Variants in SND1 observed in about 807,000 individuals in gnomAD.
SND1 encodes the protein staphylococcal nuclease and tudor domain containing 1.
A neutral mutation model predicts 121.7 loss-of-function variants in SND1; 38 were observed. The ratio of observed to expected loss-of-function variants is 0.31; its 90% CI spans 0.24 to 0.41. The LOEUF is 0.41. Ranked by LOEUF, SND1 falls within the 10% of genes least tolerant of loss-of-function variation. The pLI is 1.00. For missense variants in SND1, 868 were observed against 1,184.6 expected, an observed-to-expected ratio of 0.73 and a Z score of 3.92; for synonymous variants, 401 against 447.4, an observed-to-expected ratio of 0.90 and a Z score of 1.31.
chr7:127,701,078 G>A lies in SND1; in HGVS notation c.429-85G>A. On this transcript the variant is annotated intron_variant, in intron 4 of 23. Coordinates refer to ENST00000354725, the MANE Select transcript of SND1 (RefSeq NM_014390.4). ...ACCTTTGTTGTCTTCAAGGGGTGAA[G>A]ATGCTGAAGAAAACCTATATCAGAG... 2.1e-6 allele frequency: 3 copies of A among 1,438,426 alleles called. No individual in the cohort carries two copies. In the South Asian group the frequency reaches 3.9e-5, roughly 19 times the overall value. 89.1% of individuals were successfully genotyped at this position (1,438,426 alleles called of 1,614,324 possible). A position where few individuals can be genotyped will look rare whatever the true frequency, so the allele number is the denominator to read the frequency against.
chr7:127,653,476 C>G (rs534766536), intron 1 of SND1, among the ~76,000 whole-genome samples: 4 of 152,046 alleles, frequency 2.6e-5, no homozygotes, highest in Non-Finnish European at 5.9e-5. Flanking sequence ...TACTTTCTCC[C>G]AAGGCTCCAC....
chr7:127,655,930 A>G (rs1277385446), intron 1 of SND1, among the ~76,000 whole-genome samples: 1 of 152,212 alleles, frequency 6.6e-6, no homozygotes, highest in East Asian at 1.9e-4. Context: ...CCATGGAGGC[A>G]GCATATCTTA....
intron 9 of SND1, among the ~76,000 whole-genome samples, chr7:127,713,222 A>G (rs1303537629): frequency 2.0e-5 from 3 of 152,266 alleles, no homozygotes. Context: ...ATATTCCAGG[A>G]AAACTTTATA....
At chr7:127,759,358 T>A (rs1459120273) in intron 10 of SND1, among the ~76,000 whole-genome samples, 1 of 152,186 alleles carries the variant, frequency 6.6e-6, no homozygotes, top group Non-Finnish European at 1.5e-5. Context: ...TGAGTTATAA[T>A]ACATTAATTT....
intron 10 of SND1, among the ~76,000 whole-genome samples, chr7:127,779,964 C>A (rs1032255796): frequency 1.3e-5 from 2 of 152,118 alleles, no homozygotes; most frequent in African/African-American, 4.8e-5. Context: ...TGTTTTATGG[C>A]GTTGTTTTTC....
intron 16 of SND1, among the ~76,000 whole-genome samples, chr7:128,045,517 G>A (rs541085328): frequency 6.6e-6 from 1 of 152,266 alleles, no homozygotes; most frequent in South Asian, 2.1e-4. Flanking sequence ...AGAAATATTA[G>A]GGGGATTCAG....
At chr7:127,947,925 C>T (rs1204886321) in intron 15 of SND1, among the ~76,000 whole-genome samples, 1 of 152,138 alleles carries the variant, frequency 6.6e-6, no homozygotes, top group East Asian at 1.9e-4. Context: ...AATGACCCCA[C>T]CATTCTTAGC....
At chr7:127,674,812 A>C (rs576208121) in intron 1 of SND1, among the ~76,000 whole-genome samples, 1 of 152,340 alleles carries the variant, frequency 6.6e-6, no homozygotes, top group East Asian at 1.9e-4. Flanking sequence ...TTTTCCTCCA[A>C]ATTTAATGTG....
At chr7:127,912,640 A>G (rs1800484693) in intron 14 of SND1, among the ~76,000 whole-genome samples, 1 of 152,110 alleles carries the variant, frequency 6.6e-6, no homozygotes, top group Non-Finnish European at 1.5e-5. Context: ...TTCCCTCATT[A>G]ATTAGTGGGG....
At chr7:127,652,728 CTGAT>C (rs1356398277) in intron 1 of SND1, among the ~76,000 whole-genome samples, 6 of 152,244 alleles carry the variant, frequency 3.9e-5, no homozygotes, top group African/African-American at 1.4e-4. Flanking sequence ...AGATCGATTA[CTGAT>C]TGATTAACAG....
chr7:127,655,395 G>A (rs564533388), intron 1 of SND1, among the ~76,000 whole-genome samples: 2 of 152,218 alleles, frequency 1.3e-5, no homozygotes, highest in African/African-American at 4.8e-5. Flanking sequence ...GCTATTGAGA[G>A]TTGGGGTGAA....
At chr7:127,791,031 A>G (rs546091185) in intron 10 of SND1, among the ~76,000 whole-genome samples, 1 of 152,150 alleles carries the variant, frequency 6.6e-6, no homozygotes, top group South Asian at 2.1e-4. Context: ...TCAGGGTTTT[A>G]TACTGAACAT....
intron 15 of SND1, among the ~76,000 whole-genome samples, chr7:127,943,375 T>C (rs1361446371): frequency 6.6e-6 from 1 of 152,156 alleles, no homozygotes; most frequent in African/African-American, 2.4e-5. Flanking sequence ...TGAAATTCTT[T>C]TGAAAAAGTG....
chr7:127,740,123 T>C (rs1370683143), intron 10 of SND1, among the ~76,000 whole-genome samples: 2 of 152,236 alleles, frequency 1.3e-5, no homozygotes, highest in Non-Finnish European at 1.5e-5. Flanking sequence ...TTCTAGGTGT[T>C]GTTTTAAGGT....
At chr7:128,038,422 G>T (rs999913689) in intron 16 of SND1, among the ~76,000 whole-genome samples, 1 of 152,300 alleles carries the variant, frequency 6.6e-6, no homozygotes, top group South Asian at 2.1e-4. Flanking sequence ...TGTAAAGTGG[G>T]ATTAATAACT....
intron 16 of SND1, among the ~76,000 whole-genome samples, chr7:127,994,780 C>T (rs983668263): frequency 3.3e-5 from 5 of 152,090 alleles, no homozygotes; most frequent in African/African-American, 7.2e-5. Context: ...GGCGCGATCT[C>T]AGCTCACTGC....
chr7:128,038,688 GT>G lies in SND1; in HGVS notation c.1780-35803del, dbSNP rs538660678. 4.3e-3 allele frequency among the ~76,000 whole-genome samples: 622 copies of G among 146,160 alleles called. 1 individual carries two copies. The highest frequency in any genetic ancestry group is 0.013 in the African/African-American group (521 of 40,080). ...TTGTTTTTAACAGTTACTGGGTTGG[GT>G]TTTTTTTTTTGAGGTAATTTTAGAC... On this transcript the variant is annotated intron_variant, in intron 16 of 23. Coordinates refer to ENST00000354725, the MANE Select transcript of SND1 (RefSeq NM_014390.4).
In SND1 at chr7:127,696,962, AT is replaced by A. The variant is rs956558198; in HGVS notation, c.350-1909del. ...TAATGTTTAATATTTTCACTAAGGT[AT>A]TTTAACTAACTCTTAATGCCAATTC... is the stretch of plus-strand genomic sequence containing the variant. On this transcript the variant is annotated intron_variant, in intron 3 of 23. Coordinates refer to ENST00000354725, the MANE Select transcript of SND1 (RefSeq NM_014390.4). Among the ~76,000 whole-genome samples the A allele has an allele frequency of 1.9e-3, 292 of 152,364 alleles. 2 individuals are homozygous for A. The highest frequency in any genetic ancestry group is 3.0e-3 in the Non-Finnish European group (205 of 68,034).
chr7:127,802,831 C>A (rs1356949417), intron 10 of SND1, among the ~76,000 whole-genome samples: 1 of 152,208 alleles, frequency 6.6e-6, no homozygotes, highest in African/African-American at 2.4e-5. Context: ...CCCCAGCCAT[C>A]TTTACATTTG....
Sources: gnomAD v4.1 joint callset for allele counts (sites outside exome capture counted in the v4.1 genomes callset) on GRCh38, gnomAD v4.1.1 for gene constraint, MANE v1.5 for transcripts, NCBI Gene and HGNC (gene_info 2026-07-23, HGNC 2026-07-21) for gene names.